Variants in SLC39A10 observed in about 807,000 individuals in gnomAD.
SLC39A10 encodes the protein solute carrier family 39 member 10.
Under a neutral mutation model 65.1 loss-of-function variants are expected in SLC39A10, and 13 were observed. The observed-to-expected ratio is 0.20, with a 90% CI of 0.13 to 0.32. The LOEUF (loss-of-function observed/expected upper bound fraction) is 0.32, where lower values mean the gene tolerates loss of function less well. SLC39A10 is among the 10% of genes least tolerant of loss of function. SLC39A10 has a pLI of 1.00. For missense variants in SLC39A10, 831 were observed against 1,018.4 expected, an observed-to-expected ratio of 0.82 and a Z score of 2.50; for synonymous variants, 321 against 342.2, an observed-to-expected ratio of 0.94 and a Z score of 0.68.
chr2:195,624,887 C>CA (rs60370795), intron 2 of SLC39A10, among the ~76,000 whole-genome samples: 2,745 of 46,444 alleles, frequency 0.059, 158 homozygotes, highest in East Asian at 0.21. Context: ...GACTCCATCT[C>CA]AAAAAAAAAA....
chr2:195,735,107 C>A lies in SLC39A10; in HGVS notation c.*66C>A. The A allele has an allele frequency of 6.7e-7, 1 of 1,493,468 alleles. No homozygotes were observed. Among genetic ancestry groups the A allele is most frequent in the African/African-American group, 1.5e-5 (1 of 66,432 alleles). The allele number at this position is 1,493,468 out of a possible 1,614,324, so 92.5% of individuals were successfully genotyped here. A position where few individuals can be genotyped will look rare whatever the true frequency, so the allele number is the denominator to read the frequency against. Reference sequence around the variant, plus strand: ...TGCAGCTTTGCATCTGTTCCTTGTACTGTATGCACATTGCTCAAAGGAAAG... The same window carrying A: ...TGCAGCTTTGCATCTGTTCCTTGTAATGTATGCACATTGCTCAAAGGAAAG... On this transcript the variant is annotated 3_prime_UTR_variant, in exon 10 of 10. Transcript: ENST00000359634.
At chr2:195,721,215 C>T (rs934763238) in intron 8 of SLC39A10, among the ~76,000 whole-genome samples, 1 of 152,222 alleles carries the variant, frequency 6.6e-6, no homozygotes, top group African/African-American at 2.4e-5. Context: ...GCTGGGATTA[C>T]AGGTGTGAGC....
At chr2:195,687,523 G>A (rs1690573254) in intron 3 of SLC39A10, among the ~76,000 whole-genome samples, 1 of 152,140 alleles carries the variant, frequency 6.6e-6, no homozygotes, top group African/African-American at 2.4e-5. Context: ...AATTGTACTT[G>A]CTTTGAAAAC....
At chr2:195,715,491 G>A (rs113215096) in intron 6 of SLC39A10, among the ~76,000 whole-genome samples, 12,536 of 138,908 alleles carry the variant, frequency 0.09, 711 homozygotes, top group East Asian at 0.22. Context: ...GCGCCATTGC[G>A]CTCCAGCCTG....
chr2:195,654,380 T>C (rs1353566301), upstream of SLC39A10, among the ~76,000 whole-genome samples: 1 of 152,196 alleles, frequency 6.6e-6, no homozygotes, highest in Non-Finnish European at 1.5e-5. Context: ...GGGTATGAAG[T>C]AGGTTTCTTA....
At chr2:195,666,500 C>T (rs1325519482) in intron 1 of SLC39A10, among the ~76,000 whole-genome samples, 1 of 152,132 alleles carries the variant, frequency 6.6e-6, no homozygotes. Flanking sequence ...TAAGCTGTTG[C>T]CAGGCTGGAG....
Position 195,734,996 on chromosome 2 carries a change from G to C in SLC39A10, c.2451G>C (p.Val817=). Residue 817 remains valine (V), a synonymous_variant, in exon 10 of 10, where the codon GTG becomes GTC. Coordinates refer to ENST00000359634, the MANE Select transcript of SLC39A10 (RefSeq NM_020342.3). ...TCTTTGGATTTGCCATTATGCTGGTGATTGCCCTCTATGAAGATAAAATTG... is the reference window on the plus strand; with the variant it reads ...TCTTTGGATTTGCCATTATGCTGGTCATTGCCCTCTATGAAGATAAAATTG... ...GLLFGFAIML[V]IALYEDKIVF... is the part of the protein sequence containing the mutation. 4 of 1,613,500 alleles carry C rather than the reference G, an allele frequency of 2.5e-6. No individual in the cohort carries two copies. The highest frequency in any genetic ancestry group is 1.7e-4 in the Middle Eastern group (1 of 6,060).
chr2:195,704,741 ATAGT>A (rs746129694), intron 3 of SLC39A10, among the ~76,000 whole-genome samples: 28 of 152,164 alleles, frequency 1.8e-4, no homozygotes, highest in East Asian at 3.9e-4. Flanking sequence ...CATCCCAACA[ATAGT>A]TAGTTAGAGC....
Position 195,718,232 on chromosome 2 carries a change from T to C in SLC39A10, c.2066-20T>C. 2 of 1,597,964 alleles carry C rather than the reference T, an allele frequency of 1.3e-6. No individual in the cohort carries two copies. The highest frequency in any genetic ancestry group is 1.7e-4 in the Middle Eastern group (1 of 5,998). Reference sequence around the variant, plus strand: ...TTAAGATCAGCAAACCTCACTTGTTTTTTTTCTTATCTTCCTCAGGTGCAG... The same window carrying C: ...TTAAGATCAGCAAACCTCACTTGTTCTTTTTCTTATCTTCCTCAGGTGCAG... On this transcript the variant is annotated intron_variant, in intron 7 of 9. Coordinates refer to ENST00000359634, the MANE Select transcript of SLC39A10 (RefSeq NM_020342.3).
chr2:195,617,959 T>TC, intron 2 of SLC39A10, among the ~76,000 whole-genome samples: 1 of 149,038 alleles, frequency 6.7e-6, no homozygotes. Context: ...CAGGATGGTC[T>TC]CAATCTCCAG....
intron 5 of SLC39A10, among the ~76,000 whole-genome samples, chr2:195,710,519 C>T (rs1167572531): frequency 6.6e-6 from 1 of 152,050 alleles, no homozygotes; most frequent in Non-Finnish European, 1.5e-5. Flanking sequence ...TGGAACAGAT[C>T]TCTGAACTGG....
intron 3 of SLC39A10, among the ~76,000 whole-genome samples, chr2:195,688,548 GT>G (rs888525460): frequency 2.5e-4 from 38 of 152,210 alleles, no homozygotes; most frequent in African/African-American, 7.7e-4. Flanking sequence ...GAAAACTGAA[GT>G]TTTTTTAAAA....
chr2:195,625,335 G>A (rs1688449614), intron 2 of SLC39A10, among the ~76,000 whole-genome samples: 1 of 151,382 alleles, frequency 6.6e-6, no homozygotes, highest in African/African-American at 2.4e-5. Flanking sequence ...GAGTGCAATG[G>A]CACGATCTCG....
Position 195,716,847 on chromosome 2 carries a change from T to C in SLC39A10, c.1907T>C (p.Leu636Pro). ...HNHHGENKTVLRKHNHQWHHK... is the reference protein window; with the variant it reads ...HNHHGENKTVPRKHNHQWHHK... ...CACCACGGCGAGAACAAAACTGTGC[T>C]GAGGAAGCATAATCACCAGTGGCAC... The change falls in exon 7 of 10, where the codon CTG (leucine) becomes CCG (proline). Residue 636 changes from leucine to proline, a missense_variant. Leu to Pro is a moderately conservative substitution (Grantham distance 98). Transcript: ENST00000359634. 1 of 1,614,176 alleles carries C rather than the reference T, an allele frequency of 6.2e-7. No homozygotes were observed. The highest frequency in any genetic ancestry group is 1.3e-5 in the African/African-American group (1 of 75,042).
upstream of SLC39A10, among the ~76,000 whole-genome samples, chr2:195,653,641 C>A (rs1465330912): frequency 6.6e-6 from 1 of 152,186 alleles, no homozygotes; most frequent in Non-Finnish European, 1.5e-5. Context: ...GCATGTTTAA[C>A]CATCCATTCC....
chr2:195,656,174 C>A (rs533725780), upstream of SLC39A10, among the ~76,000 whole-genome samples: 1 of 152,170 alleles, frequency 6.6e-6, no homozygotes, highest in Non-Finnish European at 1.5e-5. Context: ...TAAGTAGATT[C>A]TGGTTGGATA....
chr2:195,650,282 CAA>C (rs35680880), intron 2 of SLC39A10, among the ~76,000 whole-genome samples: 166 of 118,226 alleles, frequency 1.4e-3, no homozygotes, highest in Non-Finnish European at 1.8e-3. Flanking sequence ...ACTCCTCCTC[CAA>C]AAAAAAAAAA....
At chr2:195,692,956 G>A (rs757617448) in intron 3 of SLC39A10, among the ~76,000 whole-genome samples, 80 of 152,216 alleles carry the variant, frequency 5.3e-4, no homozygotes, top group Non-Finnish European at 8.5e-4. Flanking sequence ...AATATTAGCC[G>A]TGGGTTTGTC....
chr2:195,729,260 G>A (rs917004677), intron 9 of SLC39A10, among the ~76,000 whole-genome samples: 1 of 152,180 alleles, frequency 6.6e-6, no homozygotes, highest in Admixed American at 6.5e-5. Context: ...GGGATTACAA[G>A]TGTGAGCTAC....
Sources: gnomAD v4.1 joint callset for allele counts (sites outside exome capture counted in the v4.1 genomes callset) on GRCh38, gnomAD v4.1.1 for gene constraint, MANE v1.5 for transcripts, NCBI Gene and HGNC (gene_info 2026-07-23, HGNC 2026-07-21) for gene names.